Variants in MSH5 observed in about 807,000 individuals in gnomAD.
The protein encoded by MSH5 is mutS protein homolog 5.
In MSH5, 78 loss-of-function variants were observed where a neutral mutation model predicts 107.7. The observed-to-expected ratio is 0.72, with a 90% CI of 0.60 to 0.87. MSH5 has a LOEUF of 0.87. Among genes scored for constraint, MSH5 ranks in the 40% least tolerant of loss-of-function variants. The probability of loss-of-function intolerance (pLI) is 0.00; values close to 1 mark genes in which losing one functional copy is unlikely to be tolerated. For missense variants in MSH5, 889 were observed against 1,046.6 expected (o/e 0.85, Z 2.08); for synonymous variants, 326 against 399.5 (o/e 0.82, Z 2.19).
intron 5 of MSH5, 61 bp from the exon 6 acceptor site, chr6:31,743,843 T>C: frequency 1.3e-6 from 2 of 1,589,264 alleles, no homozygotes; most frequent in Non-Finnish European, 1.7e-6. Flanking sequence ...GTCTCATTCT[T>C]AAAATGGGGT....
chr6:31,741,384 TA>T lies in MSH5; in HGVS notation c.271+99del, dbSNP rs1356841913. The T allele has an allele frequency of 3.6e-4, 368 of 1,031,158 alleles. 7 individuals are homozygous for T. The highest frequency in any genetic ancestry group is 1.2e-3 in the South Asian group (54 of 43,686). 63.9% of individuals were successfully genotyped at this position (1,031,158 alleles called of 1,614,324 possible). A position where few individuals can be genotyped will look rare whatever the true frequency, so the allele number is the denominator to read the frequency against. ...ACACACACACACACACACACACACA[TA>T]TTTTTTTTTTCTAGACAGAGTCTTG... is the stretch of plus-strand genomic sequence containing the variant. On this transcript the variant is annotated intron_variant, in intron 3 of 24. Transcript: ENST00000375750.
chr6:31,743,080 T>C, intron 4 of MSH5, 28 bp from the exon 5 acceptor site: 1 of 1,612,646 alleles, frequency 6.2e-7, no homozygotes, highest in Non-Finnish European at 8.5e-7. Flanking sequence ...ATGTAAAGAA[T>C]GATAGCCTTT....
chr6:31,761,964 A>G lies in MSH5; in HGVS notation c.2319+9A>G. On this transcript the variant is annotated intron_variant, in intron 23 of 24. Coordinates refer to ENST00000375750, the MANE Select transcript of MSH5 (RefSeq NM_172166.4). The surrounding 1 kb of genome is among the most constrained non-coding windows in gnomAD (Gnocchi z 5.3). ...TGGCTCGTGGCAAGGAGGTGATGAG[A>G]TCCAAATGTGCAACCACCTCCACAT... 6.2e-7 allele frequency: 1 copy of G among 1,613,682 alleles called. No individual in the cohort carries two copies.
rs775624062 is a variant in MSH5 at position 31,758,183 on chromosome 6, G to A, written c.1033G>A (p.Gly345Ser). The A allele has an allele frequency of 1.2e-6, 2 of 1,613,038 alleles. No individual in the cohort carries two copies. Among genetic ancestry groups the A allele is most frequent in the Admixed American group, 3.3e-5 (2 of 60,016 alleles). The change falls in exon 13 of 25, where the codon GGC becomes AGC. Residue 345 changes from glycine (G) to serine (S), a missense_variant. Physicochemically the swap from Gly to Ser is moderately conservative, Grantham distance 56. This residue lies in a region of MSH5 where 518 missense variants were observed against 565.0 expected (regional missense o/e 0.92). Coordinates refer to ENST00000375750, the MANE Select transcript of MSH5 (RefSeq NM_172166.4). This position sits in a 1 kb window ranked among gnomAD's most constrained non-coding sequence, Gnocchi z 5.1. ...CTCACAGACTGTGTACAGTGCCCTG[G>A]GCCTGAGGGATGCCTGCCGCTCCCT... is the stretch of plus-strand genomic sequence containing the variant. ...VLYKTVYSAL[G>S]LRDACRSLPQ...
chr6:31,761,406 G>C lies in MSH5; in HGVS notation c.2038-66G>C, dbSNP rs1581566306. 1 of 1,606,772 alleles carries C rather than the reference G, an allele frequency of 6.2e-7. No homozygotes were observed. The highest frequency in any genetic ancestry group is 2.2e-5 in the East Asian group (1 of 44,796). On this transcript the variant is annotated intron_variant, in intron 21 of 24. Transcript: ENST00000375750. The surrounding 1 kb of genome is among the most constrained non-coding windows in gnomAD (Gnocchi z 5.3). ...ATAGAACACGAGACAGGGAAAGGCA[G>C]TGCAAGTGCAGAGGGGCATATGGGG...
intron 8 of MSH5, 131 bp downstream of exon 8, chr6:31,744,712 G>A: frequency 2.0e-6 from 2 of 995,974 alleles, no homozygotes; most frequent in Non-Finnish European, 3.1e-6. Flanking sequence ...GAAGGAAAGG[G>A]AAGGGGGGTT....
At chr6:31,756,386 G>A (rs1282189524) in intron 12 of MSH5, among the ~76,000 whole-genome samples, 1 of 152,078 alleles carries the variant, frequency 6.6e-6, no homozygotes, top group Admixed American at 6.6e-5. Context: ...TGGCCAGGAT[G>A]GTCTTGATCT....
At chr6:31,741,365 ACACACACACACACACACAT>A in intron 3 of MSH5, 79 bp downstream of exon 3, 3 of 1,380,378 alleles carry the variant, frequency 2.2e-6, no homozygotes, top group Non-Finnish European at 3.0e-6. Context: ...ACACACACAC[ACACACACACACACACACAT>A]ATTTTTTTTT....
In MSH5 at chr6:31,759,383, C is replaced by A; in HGVS notation, c.1408-42C>A. On this transcript the variant is annotated intron_variant, in intron 16 of 24. Coordinates refer to ENST00000375750, the MANE Select transcript of MSH5 (RefSeq NM_172166.4). The surrounding 1 kb of genome is among the most constrained non-coding windows in gnomAD (Gnocchi z 4.7). ...AGAAAGATGGGGAAGGAGAGGAGGACCAAGAGATGCAAAGTCCACAGCTTT... is the reference window on the plus strand; with the variant it reads ...AGAAAGATGGGGAAGGAGAGGAGGAACAAGAGATGCAAAGTCCACAGCTTT... 1 of 1,595,972 alleles carries A rather than the reference C, an allele frequency of 6.3e-7. No individual in the cohort carries two copies. Among genetic ancestry groups the A allele is most frequent in the South Asian group, 1.1e-5 (1 of 90,612 alleles).
At chr6:31,749,798 C>T (rs2151353983) in intron 10 of MSH5, among the ~76,000 whole-genome samples, 1 of 152,306 alleles carries the variant, frequency 6.6e-6, no homozygotes, top group East Asian at 1.9e-4. Context: ...TAGTAGCACT[C>T]AATGTGTGAA....
Position 31,761,398 on chromosome 6 carries a change from G to A in MSH5, c.2038-74G>A. The A allele has an allele frequency of 1.2e-6, 2 of 1,605,998 alleles. No individual in the cohort carries two copies. ...GAAAAGAAATAGAACACGAGACAGGGAAAGGCAGTGCAAGTGCAGAGGGGC... is the reference window on the plus strand; with the variant it reads ...GAAAAGAAATAGAACACGAGACAGGAAAAGGCAGTGCAAGTGCAGAGGGGC... On this transcript the variant is annotated intron_variant, in intron 21 of 24. Transcript: ENST00000375750. The surrounding 1 kb of genome is among the most constrained non-coding windows in gnomAD (Gnocchi z 5.3).
chr6:31,760,944 A>T lies in MSH5; in HGVS notation c.1962+105A>T. 7.5e-7 allele frequency: 1 copy of T among 1,330,654 alleles called. No individual in the cohort carries two copies. The highest frequency in any genetic ancestry group is 1.5e-5 in the African/African-American group (1 of 68,052). The allele number at this position is 1,330,654 out of a possible 1,614,324, so 82.4% of individuals were successfully genotyped here. On this transcript the variant is annotated intron_variant, in intron 20 of 24. Coordinates refer to ENST00000375750, the MANE Select transcript of MSH5 (RefSeq NM_172166.4). This position sits in a 1 kb window ranked among gnomAD's most constrained non-coding sequence, Gnocchi z 5.6. ...GCATGCCCTCTGCTGCATGCCCTTT[A>T]TACTAAAAGTGGGGAGCACTAAGGT...
Position 31,758,374 on chromosome 6 carries a change from A to T in MSH5, c.1143+81A>T. ...TGTGCAAGATGGGGAAACATGGAAG[A>T]TATTGAGGTCAATTGGATAAAGAAT... On this transcript the variant is annotated intron_variant, in intron 13 of 24. Transcript: ENST00000375750. This position sits in a 1 kb window ranked among gnomAD's most constrained non-coding sequence, Gnocchi z 5.1. 6.3e-7 allele frequency: 1 copy of T among 1,589,404 alleles called. No homozygotes were observed. The highest frequency in any genetic ancestry group is 1.1e-5 in the South Asian group (1 of 88,630).
At position 31,744,395 on chromosome 6, in the gene MSH5, T is replaced by G. The variant is rs1809217761; in HGVS notation, c.647+96T>G. 4 of 1,562,642 alleles carry G rather than the reference T, an allele frequency of 2.6e-6. No individual in the cohort carries two copies. The East Asian group carries it at 6.7e-5, about 26-fold the overall frequency. ...GGGTGTGGATGTGGCTGTGACCCAG[T>G]GGGTCAAGTGCTCTAGGACACCCGG... On this transcript the variant is annotated intron_variant, in intron 7 of 24. Transcript: ENST00000375750.
intron 10 of MSH5, among the ~76,000 whole-genome samples, chr6:31,750,223 C>T (rs984196690): frequency 2.6e-5 from 4 of 152,042 alleles, no homozygotes; most frequent in South Asian, 2.1e-4. Context: ...TTTCTGTATA[C>T]GAATTTATTT....
At chr6:31,756,266 G>A (rs190726088) in intron 12 of MSH5, among the ~76,000 whole-genome samples, 74 of 152,154 alleles carry the variant, frequency 4.9e-4, no homozygotes, top group African/African-American at 1.5e-3. Flanking sequence ...CGCCTCCTGA[G>A]TTCAAGTGAT....
chr6:31,748,569 G>C (rs903210284), intron 10 of MSH5, among the ~76,000 whole-genome samples: 1 of 151,682 alleles, frequency 6.6e-6, no homozygotes, highest in Non-Finnish European at 1.5e-5. Context: ...GGCTGGTCTC[G>C]AACTCCTGGT....
chr6:31,755,138 G>GT (rs1266194873), intron 12 of MSH5, among the ~76,000 whole-genome samples: 7 of 151,632 alleles, frequency 4.6e-5, no homozygotes, highest in African/African-American at 1.5e-4. Context: ...GTATTATTTG[G>GT]TATCATCAAA....
At position 31,740,696 on chromosome 6, in the gene MSH5, C is replaced by G. The variant is rs951274480; in HGVS notation, c.147+83C>G. ...GGGTTGGGAGCCGGGCGCGGTGGCT[C>G]ACACCTGTAATCTTAGCACTTTGGG... On this transcript the variant is annotated intron_variant, in intron 2 of 24. Transcript: ENST00000375750. The surrounding 1 kb of genome is among the most constrained non-coding windows in gnomAD (Gnocchi z 4.4). 2 of 1,395,536 alleles carry G rather than the reference C, an allele frequency of 1.4e-6. No individual in the cohort carries two copies. Among genetic ancestry groups the G allele is most frequent in the Non-Finnish European group, 1.9e-6 (2 of 1,065,754 alleles). The allele number at this position is 1,395,536 out of a possible 1,614,324, so 86.4% of individuals were successfully genotyped here. A position where few individuals can be genotyped will look rare whatever the true frequency, so the allele number is the denominator to read the frequency against.
Sources: allele counts gnomAD v4.1 joint callset (sites outside exome capture counted in the v4.1 genomes callset), GRCh38; gene constraint gnomAD v4.1.1; regional missense constraint gnomAD v4.1.1; non-coding constraint Gnocchi (gnomAD v3.1); transcripts MANE v1.5; gene names NCBI Gene and HGNC (gene_info 2026-07-23, HGNC 2026-07-21).